EPHA6: variants seen among roughly 807,000 people sequenced by gnomAD.
EPHA6 encodes the protein EPH receptor A6.
A neutral mutation model predicts 112.0 loss-of-function variants in EPHA6; 50 were observed. That is an observed-to-expected ratio of 0.45 (90% CI 0.36 to 0.56). EPHA6 has a LOEUF of 0.56. Among genes scored for constraint, EPHA6 ranks in the 20% least tolerant of loss-of-function variants. The probability of loss-of-function intolerance (pLI) is 0.00; values close to 1 mark genes in which losing one functional copy is unlikely to be tolerated. For missense variants in EPHA6, 1,280 were observed against 1,417.4 expected (o/e 0.90, Z 1.56); for synonymous variants, 529 against 490.7 (o/e 1.08, Z -1.03).
intron 13 of EPHA6, among the ~76,000 whole-genome samples, chr3:97,614,069 T>A (rs1410521850): frequency 6.6e-6 from 1 of 152,160 alleles, no homozygotes; most frequent in East Asian, 1.9e-4. Context: ...AACTAGAATC[T>A]AAACTAAGTA....
intron 2 of EPHA6, among the ~76,000 whole-genome samples, chr3:96,980,220 A>C (rs2042706896): frequency 6.6e-6 from 1 of 152,100 alleles, no homozygotes; most frequent in Admixed American, 6.5e-5. Context: ...TCTTGAATTG[A>C]TTTTTGTATA....
At chr3:97,488,473 G>A (rs537677722) in intron 10 of EPHA6, among the ~76,000 whole-genome samples, 1 of 152,238 alleles carries the variant, frequency 6.6e-6, no homozygotes, top group East Asian at 1.9e-4. Context: ...TTCACTTCAT[G>A]TGCCTCTCCT....
At chr3:97,722,795 C>A (rs1465764201) in intron 15 of EPHA6, among the ~76,000 whole-genome samples, 1 of 151,924 alleles carries the variant, frequency 6.6e-6, no homozygotes, top group Non-Finnish European at 1.5e-5. Flanking sequence ...AAGTAATAAT[C>A]ATTCTAATTA....
At chr3:96,850,320 G>GAGAT (rs2107366383) in intron 1 of EPHA6, among the ~76,000 whole-genome samples, 2 of 152,162 alleles carry the variant, frequency 1.3e-5, no homozygotes, top group African/African-American at 4.8e-5. Flanking sequence ...ACTGCACCAG[G>GAGAT]AGATAGCCCA....
chr3:97,337,904 A>G (rs1159089594), intron 5 of EPHA6, among the ~76,000 whole-genome samples: 4 of 152,200 alleles, frequency 2.6e-5, no homozygotes, highest in Non-Finnish European at 5.9e-5. Flanking sequence ...TGGAGGATGT[A>G]GCAATTTACT....
At chr3:96,876,453 G>A (rs947152043) in intron 2 of EPHA6, among the ~76,000 whole-genome samples, 1 of 149,606 alleles carries the variant, frequency 6.7e-6, no homozygotes, top group African/African-American at 2.5e-5. Context: ...ACCTGCTTTG[G>A]GTCTTTCTCC....
intron 5 of EPHA6, among the ~76,000 whole-genome samples, chr3:97,337,448 C>T (rs1487529335): frequency 6.6e-6 from 1 of 152,110 alleles, no homozygotes; most frequent in Admixed American, 6.6e-5. Context: ...TCACCTTTTC[C>T]CTTACTCCCC....
chr3:97,052,952 A>G (rs534665572), intron 3 of EPHA6, among the ~76,000 whole-genome samples: 10 of 152,152 alleles, frequency 6.6e-5, no homozygotes, highest in African/African-American at 2.4e-4. Context: ...TGAGGGATGA[A>G]GGAGTGGTGC....
chr3:97,071,370 G>T lies in EPHA6; in HGVS notation c.1114+83377G>T, dbSNP rs369986583. ...TTTTTAAAAATTTTATTTTAATTTT[G>T]TGTTAGTCCGTTTTTATGCTGCTGA... On this transcript the variant is annotated intron_variant, in intron 3 of 17. Coordinates refer to ENST00000389672, the MANE Select transcript of EPHA6 (RefSeq NM_001080448.3). 4.6e-5 allele frequency among the ~76,000 whole-genome samples: 7 copies of T among 151,990 alleles called. No individual in the cohort carries two copies. The East Asian group carries it at 7.8e-4, about 17-fold the overall frequency.
chr3:97,382,903 A>G (rs1282508222), intron 5 of EPHA6, among the ~76,000 whole-genome samples: 2 of 152,022 alleles, frequency 1.3e-5, no homozygotes, highest in African/African-American at 4.8e-5. Flanking sequence ...TACAGAAAAT[A>G]ATAATAACTA....
Position 97,000,262 on chromosome 3 carries a change from A to AACACAC in EPHA6, c.1114+12295_1114+12300dup, listed in dbSNP as rs368625563. 1.1e-4 allele frequency among the ~76,000 whole-genome samples: 16 copies of AACACAC among 140,486 alleles called. 1 individual carries two copies. The highest frequency in any genetic ancestry group is 6.8e-4 in the South Asian group (3 of 4,380). The allele number at this position is 140,486 out of a possible 152,430, so 92.2% of individuals were successfully genotyped here. On this transcript the variant is annotated intron_variant, in intron 3 of 17. Coordinates refer to ENST00000389672, the MANE Select transcript of EPHA6 (RefSeq NM_001080448.3). ...TCCAATTACCATGTGTGTATGTATA[A>AACACAC]ACACACACACACACACACACACACA...
chr3:97,050,570 G>A (rs2045653372), intron 3 of EPHA6, among the ~76,000 whole-genome samples: 2 of 152,132 alleles, frequency 1.3e-5, no homozygotes, highest in East Asian at 3.9e-4. Context: ...TAAAATGGAG[G>A]GCTGCCTATC....
At chr3:97,515,591 G>A (rs558756382) in intron 10 of EPHA6, among the ~76,000 whole-genome samples, 97 of 152,266 alleles carry the variant, frequency 6.4e-4, no homozygotes, top group African/African-American at 2.2e-3. Context: ...TACCTCAAGG[G>A]AAGAAATCAG....
At chr3:96,834,859 A>G (rs1406959898) in intron 1 of EPHA6, among the ~76,000 whole-genome samples, 1 of 152,022 alleles carries the variant, frequency 6.6e-6, no homozygotes, top group Non-Finnish European at 1.5e-5. Context: ...AGCAAAAAAG[A>G]CACTATTTTT....
chr3:97,176,504 C>A (rs2076838659), intron 3 of EPHA6, among the ~76,000 whole-genome samples: 2 of 151,774 alleles, frequency 1.3e-5, no homozygotes, highest in African/African-American at 4.8e-5. Flanking sequence ...TAGGGTTCAG[C>A]AGTGGACTCG....
intron 13 of EPHA6, among the ~76,000 whole-genome samples, chr3:97,619,498 G>C (rs1361047841): frequency 1.3e-5 from 2 of 149,826 alleles, no homozygotes; most frequent in Non-Finnish European, 3.0e-5. Flanking sequence ...TAGATTACAT[G>C]ATCCTATATC....
At chr3:97,712,401 CCT>C (rs1281921586) in intron 14 of EPHA6, among the ~76,000 whole-genome samples, 1 of 152,084 alleles carries the variant, frequency 6.6e-6, no homozygotes, top group African/African-American at 2.4e-5. Flanking sequence ...CAGCTATCCC[CCT>C]GAGTCTTTAC....
At chr3:97,423,815 T>C (rs538541898) in intron 6 of EPHA6, among the ~76,000 whole-genome samples, 1 of 152,262 alleles carries the variant, frequency 6.6e-6, no homozygotes, top group African/African-American at 2.4e-5. Context: ...CCTAGACTAA[T>C]GCAACAGGTT....
At chr3:96,840,880 T>G (rs1328265242) in intron 1 of EPHA6, among the ~76,000 whole-genome samples, 1 of 152,104 alleles carries the variant, frequency 6.6e-6, no homozygotes, top group East Asian at 1.9e-4. Context: ...CATTTTTGTT[T>G]TAAAGTTTCA....
Sources: allele counts gnomAD v4.1 joint callset (sites outside exome capture counted in the v4.1 genomes callset), GRCh38; gene constraint gnomAD v4.1.1; transcripts MANE v1.5; gene names NCBI Gene and HGNC (gene_info 2026-07-23, HGNC 2026-07-21).